PDLIM4: variants seen among roughly 807,000 people sequenced by gnomAD.
PDLIM4 encodes the protein PDZ and LIM domain 4, also known as PDZ and LIM domain protein 4.
PDLIM4 carries 19 observed loss-of-function variants against 31.3 expected under a neutral mutation model. The observed-to-expected ratio is 0.61, with a 90% CI of 0.42 to 0.89. The LOEUF is 0.89. Among genes scored for constraint, PDLIM4 ranks in the 40% least tolerant of loss-of-function variants. PDLIM4 has a pLI of 0.00. For synonymous variants in PDLIM4, 176 were observed against 190.1 expected (o/e 0.93, Z 0.61); for missense variants, 442 against 461.1 (o/e 0.96, Z 0.38).
At chr5:132,270,139 G>T (rs984621994) in intron 3 of PDLIM4, among the ~76,000 whole-genome samples, 2 of 152,214 alleles carry the variant, frequency 1.3e-5, no homozygotes, top group Non-Finnish European at 2.9e-5. Flanking sequence ...CACACACAGA[G>T]ATACTGCCCT....
Position 132,271,414 on chromosome 5 carries a change from G to C in PDLIM4, c.618G>C (p.Lys206Asn), listed in dbSNP as rs1167159506. The C allele has an allele frequency of 1.9e-6, 3 of 1,608,860 alleles. No homozygotes were observed. Among genetic ancestry groups the C allele is most frequent in the Non-Finnish European group, 2.5e-6 (3 of 1,179,894 alleles). ...CCGAGCCCGTGGCCGCGGAGCCCAA[G>C]CAGTCAGGCTCCTTCCGCTACTTGC... ...EPAEPVAAEP[K>N]QSGSFRYLQG... The change falls in exon 5 of 7, where the codon AAG (lysine) becomes AAC (asparagine). Residue 206 changes from lysine to asparagine, a missense_variant. Coordinates refer to ENST00000253754, the MANE Select transcript of PDLIM4 (RefSeq NM_003687.4).
chr5:132,264,417 A>G (rs747924990), intron 2 of PDLIM4, among the ~76,000 whole-genome samples: 1 of 152,218 alleles, frequency 6.6e-6, no homozygotes, highest in Non-Finnish European at 1.5e-5. Context: ...AATTTTACCC[A>G]TAAAAGAGAG....
At position 132,271,833 on chromosome 5, in the gene PDLIM4, C is replaced by G. The variant is rs1267355455; in HGVS notation, c.713C>G (p.Thr238Arg). 1.1e-5 allele frequency: 17 copies of G among 1,612,794 alleles called. No homozygotes were observed. The highest frequency in any genetic ancestry group is 1.4e-5 in the Non-Finnish European group (16 of 1,179,536). Residue 238 changes from threonine (T) to arginine (R), a missense_variant, in exon 6 of 7, where the codon ACG becomes AGG. Physicochemically the swap from Thr to Arg is moderately conservative, Grantham distance 71 (BLOSUM62 -1). Transcript: ENST00000253754. Reference sequence around the variant, plus strand: ...GGCGGCCCCCGGAACCTCAAGCCCACGGCCAGCAAGCTGGGCGCTCCGCTG... The same window carrying G: ...GGCGGCCCCCGGAACCTCAAGCCCAGGGCCAGCAAGCTGGGCGCTCCGCTG... ...GPGGPRNLKP[T>R]ASKLGAPLSG...
intron 1 of PDLIM4, among the ~76,000 whole-genome samples, chr5:132,259,010 C>G (rs971056196): frequency 2.0e-5 from 3 of 152,182 alleles, no homozygotes; most frequent in African/African-American, 7.2e-5. Flanking sequence ...GCCAGGGTGA[C>G]AGGCAGGCCC....
chr5:132,264,569 C>T (rs1756448435), intron 2 of PDLIM4, among the ~76,000 whole-genome samples: 1 of 151,496 alleles, frequency 6.6e-6, no homozygotes, highest in African/African-American at 2.4e-5. Flanking sequence ...GAGTGAAAAC[C>T]TGAGTCCTGC....
chr5:132,258,215 C>A (rs1446330326), intron 1 of PDLIM4, among the ~76,000 whole-genome samples: 2 of 152,194 alleles, frequency 1.3e-5, no homozygotes, highest in Non-Finnish European at 1.5e-5. Flanking sequence ...GATTTAGAGC[C>A]CCCCTTCCCC....
At chr5:132,264,208 G>A (rs1164681070) in intron 2 of PDLIM4, among the ~76,000 whole-genome samples, 1 of 152,078 alleles carries the variant, frequency 6.6e-6, no homozygotes, top group East Asian at 1.9e-4. Flanking sequence ...GGAGGGTGGT[G>A]GGGTGGAGGT....
At chr5:132,259,137 C>CTCTGTGTGTGTGTGTG (rs1361302159) in intron 1 of PDLIM4, among the ~76,000 whole-genome samples, 1 of 146,106 alleles carries the variant, frequency 6.8e-6, no homozygotes, top group South Asian at 2.2e-4. Context: ...AGGATTCCTG[C>CTCTGTGTGTGTGTGTG]TGTGTGTGTG....
chr5:132,271,627 C>CTG (rs1561524086), intron 5 of PDLIM4, 161 bp downstream of exon 5: 2 of 939,996 alleles, frequency 2.1e-6, no homozygotes, highest in South Asian at 2.7e-5. Context: ...CCTGGCTTCC[C>CTG]GATTCCCTCT....
At chr5:132,264,490 C>A (rs1756446328) in intron 2 of PDLIM4, among the ~76,000 whole-genome samples, 1 of 152,106 alleles carries the variant, frequency 6.6e-6, no homozygotes, top group African/African-American at 2.4e-5. Context: ...CCATAACTTC[C>A]TCAACCAAAA....
chr5:132,266,495 G>T lies in PDLIM4; in HGVS notation c.277G>T (p.Asp93Tyr). Residue 93 changes from aspartate (D) to tyrosine (Y), a missense_variant, in exon 3 of 7, where the codon GAT becomes TAT. Coordinates refer to ENST00000253754, the MANE Select transcript of PDLIM4 (RefSeq NM_003687.4). ...GGGTAGGAGCTGGCCCAGTGCCCCT[G>T]ATGACAGCAAGGCTCAGGCACACAG... ...PEGRSWPSAP[D>Y]DSKAQAHRIH... 1 of 1,613,268 alleles carries T rather than the reference G, an allele frequency of 6.2e-7. No homozygotes were observed. Among genetic ancestry groups the T allele is most frequent in the Non-Finnish European group, 8.5e-7 (1 of 1,179,394 alleles).
At position 132,272,219 on chromosome 5, in the gene PDLIM4, A is replaced by G. The variant is rs1274396987; in HGVS notation, c.983A>G (p.Glu328Gly). 2 of 1,613,784 alleles carry G rather than the reference A, an allele frequency of 1.2e-6. No individual in the cohort carries two copies. Among genetic ancestry groups the G allele is most frequent in the Admixed American group, 1.7e-5 (1 of 60,012 alleles). The change falls in exon 7 of 7, where the codon GAA becomes GGA. Residue 328 changes from glutamate to glycine, a missense_variant. Coordinates refer to ENST00000253754, the MANE Select transcript of PDLIM4 (RefSeq NM_003687.4). Reference protein sequence around the residue: ...VVAVYPNAKVELV With the variant: ...VVAVYPNAKVGLV ...GCGGTGTACCCCAATGCCAAGGTGGAACTCGTCTGAGCTGGGACCCTGCTC... is the reference window on the plus strand; with the variant it reads ...GCGGTGTACCCCAATGCCAAGGTGGGACTCGTCTGAGCTGGGACCCTGCTC...
At chr5:132,265,456 G>A (rs1467186496) in intron 2 of PDLIM4, among the ~76,000 whole-genome samples, 1 of 152,238 alleles carries the variant, frequency 6.6e-6, no homozygotes, top group Non-Finnish European at 1.5e-5. Context: ...TGGGGCTGGT[G>A]TTGCCCTGGG....
At chr5:132,269,730 C>T (rs1473724039) in intron 3 of PDLIM4, among the ~76,000 whole-genome samples, 2 of 152,164 alleles carry the variant, frequency 1.3e-5, no homozygotes, top group Non-Finnish European at 2.9e-5. Flanking sequence ...CCACACTGGG[C>T]TCTCTGACCA....
At chr5:132,265,258 T>G (rs187450529) in intron 2 of PDLIM4, among the ~76,000 whole-genome samples, 214 of 152,368 alleles carry the variant, frequency 1.4e-3, no homozygotes, top group Non-Finnish European at 1.7e-3. Context: ...TTTGTGCCCT[T>G]CGACCTTAGA....
chr5:132,262,783 G>A (rs1243757885), intron 2 of PDLIM4, 23 bp downstream of exon 2: 1 of 1,595,884 alleles, frequency 6.3e-7, no homozygotes, highest in South Asian at 1.1e-5. Context: ...GGGCTGGGCT[G>A]GGAGGATGGA....
chr5:132,271,679 C>G, intron 5 of PDLIM4, 112 bp from the exon 6 acceptor site: 2 of 989,170 alleles, frequency 2.0e-6, no homozygotes, highest in Admixed American at 3.4e-5. Flanking sequence ...CCGCCAAACC[C>G]GTTCCCCAGT....
chr5:132,270,161 T>G (rs1377159217), intron 3 of PDLIM4, among the ~76,000 whole-genome samples: 1 of 152,170 alleles, frequency 6.6e-6, no homozygotes, highest in Non-Finnish European at 1.5e-5. Context: ...TCCTCATGGC[T>G]GAGGGGGCAG....
chr5:132,271,605 A>C (rs1403704163), intron 5 of PDLIM4, 139 bp downstream of exon 5: 1 of 1,030,492 alleles, frequency 9.7e-7, no homozygotes, highest in East Asian at 2.5e-5. Flanking sequence ...CCTTGCTACA[A>C]CCTTGCTACG....
Sources: gnomAD v4.1 joint callset for allele counts (sites outside exome capture counted in the v4.1 genomes callset) on GRCh38, gnomAD v4.1.1 for gene constraint, MANE v1.5 for transcripts, NCBI Gene and HGNC (gene_info 2026-07-23, HGNC 2026-07-21) for gene names.